The following UTRN variants were observed in gnomAD, a reference collection of about 807,000 sequenced individuals.
UTRN encodes the protein utrophin.
A neutral mutation model predicts 463.9 loss-of-function variants in UTRN; 283 were observed. The observed-to-expected ratio is 0.61, with a 90% CI of 0.55 to 0.67. The LOEUF is 0.67. UTRN is among the 30% of genes least tolerant of loss of function. The pLI is 0.00. For missense variants in UTRN, 3,922 were observed against 4,084.3 expected (o/e 0.96, Z 1.08); for synonymous variants, 1,442 against 1,431.5 (o/e 1.01, Z -0.17).
chr6:144,554,641 A>G, intron 48 of UTRN, 47 bp from the exon 49 acceptor site: 2 of 1,593,138 alleles, frequency 1.3e-6, no homozygotes. Flanking sequence ...CTTTCTCCTG[A>G]GGGTTACATG....
chr6:144,535,446 A>G (rs1230031019), intron 43 of UTRN, among the ~76,000 whole-genome samples: 2 of 152,222 alleles, frequency 1.3e-5, no homozygotes. Context: ...AAATGCAGAA[A>G]TTCTTCTAAA....
rs1372760181 is a variant in UTRN at position 144,473,750 on chromosome 6, G to C, written c.3097G>C (p.Asp1033His). 1 of 1,614,140 alleles carries C rather than the reference G, an allele frequency of 6.2e-7. No homozygotes were observed. Among genetic ancestry groups the C allele is most frequent in the Non-Finnish European group, 8.5e-7 (1 of 1,180,018 alleles). Residue 1033 changes from aspartate (D) to histidine (H), a missense_variant, in exon 24 of 75, where the codon GAT (aspartate) becomes CAT (histidine). By Grantham distance (81) the Asp-to-His change is moderately conservative. Transcript: ENST00000367545. The stretch of plus-strand genomic sequence containing the variant: ...TTCAACAGTCATTGAGAAGTGGATG[G>C]ATGGCGTGAAAGACTTCTTAATGAA... ...ADSTVIEKWM[D>H]GVKDFLMKQQ... is the part of the protein sequence containing the mutation.
At chr6:144,837,353 T>C (rs1328719304) in intron 71 of UTRN, 1 of 152,276 alleles carries the variant, frequency 6.6e-6, no homozygotes, top group African/African-American at 2.4e-5. Context: ...CAAGATACTT[T>C]CATATGTGAA....
At position 144,478,493 on chromosome 6, in the gene UTRN, G is replaced by T. The variant is rs140800173; in HGVS notation, c.3337-1319G>T. On this transcript the variant is annotated intron_variant, in intron 25 of 74. Transcript: ENST00000367545. ...CCAGGTTAACCTGATGATCAGCCAG[G>T]CTTGGGAATGGGATTGTGAGTGTTG... is the stretch of plus-strand genomic sequence containing the variant. Among the ~76,000 whole-genome samples, 117 of 152,338 alleles carry T rather than the reference G, an allele frequency of 7.7e-4. 2 individuals are homozygous for T. In the East Asian group the frequency reaches 0.019, roughly 25 times the overall value.
intron 45 of UTRN, 34 bp from the exon 46 acceptor site, chr6:144,542,761 T>C: frequency 6.3e-7 from 1 of 1,594,222 alleles, no homozygotes. Context: ...ATTTACGTAG[T>C]ATTCTTCTCT....
At chr6:144,307,576 A>G (rs1175640400) in intron 2 of UTRN, among the ~76,000 whole-genome samples, 1 of 152,196 alleles carries the variant, frequency 6.6e-6, no homozygotes, top group Non-Finnish European at 1.5e-5. Flanking sequence ...AGGGTCTCAC[A>G]CTTTTGCTGT....
Position 144,435,923 on chromosome 6 carries a change from T to G in UTRN, c.856-12T>G. 2 of 1,612,832 alleles carry G rather than the reference T, an allele frequency of 1.2e-6. No individual in the cohort carries two copies. The highest frequency in any genetic ancestry group is 1.7e-6 in the Non-Finnish European group (2 of 1,179,748). On this transcript the variant is annotated splice_polypyrimidine_tract_variant and intron_variant, in intron 9 of 74. Transcript: ENST00000367545. ...TGATTAGTGTGGGTTTTTCTTGGCTTTGTTTTTACAGAGTACAGCGCCTGA... is the reference window on the plus strand; with the variant it reads ...TGATTAGTGTGGGTTTTTCTTGGCTGTGTTTTTACAGAGTACAGCGCCTGA...
chr6:144,461,072 C>G lies in UTRN; in HGVS notation c.2708-125C>G, dbSNP rs1789357138. On this transcript the variant is annotated intron_variant, in intron 21 of 74. Transcript: ENST00000367545. ...GATCTATGTTGTTAATTAACAGAGA[C>G]CCTTTTACATTTTAATCATGGGGTC... 4 of 700,552 alleles carry G rather than the reference C, an allele frequency of 5.7e-6. No homozygotes were observed. The South Asian group carries it at 1.8e-4, about 32-fold the overall frequency. 43.4% of individuals were successfully genotyped at this position (700,552 alleles called of 1,614,324 possible).
chr6:144,741,809 C>T (rs1790130144), intron 54 of UTRN, among the ~76,000 whole-genome samples: 2 of 152,076 alleles, frequency 1.3e-5, no homozygotes, highest in Admixed American at 1.3e-4. Flanking sequence ...GTGGTTGGCC[C>T]CTGCTTCTTC....
At chr6:144,447,962 A>G (rs1232600199) in intron 16 of UTRN, among the ~76,000 whole-genome samples, 181 bp downstream of exon 16, 1 of 152,256 alleles carries the variant, frequency 6.6e-6, no homozygotes. Context: ...TTATCTTAAT[A>G]TCCTATAATT....
intron 64 of UTRN, among the ~76,000 whole-genome samples, 185 bp downstream of exon 64, chr6:144,798,175 T>C (rs1777396414): frequency 6.6e-6 from 1 of 152,198 alleles, no homozygotes; most frequent in Non-Finnish European, 1.5e-5. Context: ...TGAAGCATAT[T>C]TTATTATTGT....
At chr6:144,323,682 T>A (rs901836095) in intron 2 of UTRN, among the ~76,000 whole-genome samples, 2 of 152,368 alleles carry the variant, frequency 1.3e-5, no homozygotes, top group East Asian at 3.9e-4. Context: ...TTTCTCTTGC[T>A]TGTTTTTTTG....
chr6:144,565,365 G>A (rs1009142077), intron 50 of UTRN, among the ~76,000 whole-genome samples: 6 of 152,190 alleles, frequency 3.9e-5, no homozygotes, highest in Non-Finnish European at 8.8e-5. Context: ...GAACTCAGAT[G>A]TTCTGGACCT....
chr6:144,684,049 C>CTTT (rs751258844), intron 52 of UTRN, among the ~76,000 whole-genome samples: 3 of 137,288 alleles, frequency 2.2e-5, no homozygotes, highest in African/African-American at 8.2e-5. Flanking sequence ...TGTCCCTTTA[C>CTTT]TTTTTTTTTT....
intron 3 of UTRN, among the ~76,000 whole-genome samples, chr6:144,408,227 A>G (rs560658153): frequency 6.6e-6 from 1 of 152,380 alleles, no homozygotes; most frequent in South Asian, 2.1e-4. Context: ...GCACTGGCTC[A>G]TTAAGCCCGC....
chr6:144,639,721 T>G (rs527920557), intron 51 of UTRN, among the ~76,000 whole-genome samples: 1 of 152,168 alleles, frequency 6.6e-6, no homozygotes, highest in Admixed American at 6.5e-5. Flanking sequence ...ATTTTCAGTA[T>G]TTTTTTGAAT....
chr6:144,363,952 T>G (rs1398972735), intron 2 of UTRN, among the ~76,000 whole-genome samples: 3 of 152,038 alleles, frequency 2.0e-5, no homozygotes, highest in Non-Finnish European at 4.4e-5. Flanking sequence ...TGTTCGGAGG[T>G]TTGGAGCATA....
At position 144,456,968 on chromosome 6, in the gene UTRN, G is replaced by T. The variant is rs1788903442; in HGVS notation, c.2285-1802G>T. On this transcript the variant is annotated intron_variant, in intron 19 of 74. Coordinates refer to ENST00000367545, the MANE Select transcript of UTRN (RefSeq NM_007124.3). ...AAAGTCAAGTGAGACTGAGTGGCAG[G>T]AATGTGTTCTATGTTCTCCCTTTTA... 2.0e-5 allele frequency among the ~76,000 whole-genome samples: 3 copies of T among 152,106 alleles called. No homozygotes were observed. The South Asian group carries it at 6.2e-4, about 31-fold the overall frequency.
intron 19 of UTRN, 114 bp from the exon 20 acceptor site, chr6:144,458,656 G>A (rs1789109385): frequency 7.8e-7 from 1 of 1,276,716 alleles, no homozygotes; most frequent in Non-Finnish European, 1.0e-6. Flanking sequence ...ACTTAAGAAA[G>A]TGATCATTAT....
Sources: gnomAD v4.1 joint callset for allele counts (sites outside exome capture counted in the v4.1 genomes callset) on GRCh38, gnomAD v4.1.1 for gene constraint, MANE v1.5 for transcripts, NCBI Gene and HGNC (gene_info 2026-07-23, HGNC 2026-07-21) for gene names.